Variants in SESN1 observed in about 807,000 individuals in gnomAD.
SESN1 encodes sestrin 1, also known as sestrin-1.
A neutral mutation model predicts 59.3 loss-of-function variants in SESN1; 30 were observed. The observed-to-expected ratio is 0.51, with a 90% CI of 0.38 to 0.69. The LOEUF (loss-of-function observed/expected upper bound fraction) is 0.69, where lower values mean the gene tolerates loss of function less well. SESN1 is among the 30% of genes least tolerant of loss of function. SESN1 has a pLI of 0.00. For missense variants in SESN1, 566 were observed against 673.0 expected (o/e 0.84, Z 1.76); for synonymous variants, 197 against 219.9 (o/e 0.90, Z 0.92).
In SESN1 at chr6:108,998,758, TAG is replaced by T; in HGVS notation, c.730-5_730-4del. 1 of 1,596,296 alleles carries T rather than the reference TAG, an allele frequency of 6.3e-7. No homozygotes were observed. Among genetic ancestry groups the T allele is most frequent in the East Asian group, 2.2e-5 (1 of 44,586 alleles). ...TGCTCTTCAGCTTTTAAAAGTCCCT[TAG>T]GGGGAAAAAAAAAAAGAATATATTT... is the stretch of plus-strand genomic sequence containing the variant. On this transcript the variant is annotated splice_polypyrimidine_tract_variant and splice_region_variant and intron_variant, in intron 4 of 9. Coordinates refer to ENST00000436639, the MANE Select transcript of SESN1 (RefSeq NM_014454.3).
rs1779153199 is a variant in SESN1, at chr6:108,985,243, T to C, written c.*2301A>G. Among the ~76,000 whole-genome samples the C allele has an allele frequency of 6.6e-6, 1 of 152,164 alleles. No homozygotes were observed. Among genetic ancestry groups the C allele is most frequent in the Non-Finnish European group, 1.5e-5 (1 of 68,020 alleles). ...AAATCAATCTCATTCTTAGAGATGA[T>C]AAAGTTTGGCCTAATAAAAAATTTT... On this transcript the variant is annotated 3_prime_UTR_variant, in exon 10 of 10. Transcript: ENST00000436639.
chr6:108,994,698 C>CTTTTTTTT (rs11395949), intron 5 of SESN1, 89 bp from the exon 6 acceptor site: 4 of 274,832 alleles, frequency 1.5e-5, no homozygotes, highest in African/African-American at 8.7e-5. Context: ...GAATTTATAT[C>CTTTTTTTT]TTTTTTTTTT....
At chr6:108,988,734 T>G (rs371526575) in intron 8 of SESN1, 47 bp from the exon 9 acceptor site, 605 of 1,462,582 alleles carry the variant, frequency 4.1e-4, no homozygotes, top group Non-Finnish European at 5.4e-4. Context: ...GTGTATAACC[T>G]GTTTTCATCT....
intron 1 of SESN1, among the ~76,000 whole-genome samples, chr6:109,016,071 A>T (rs2114359347): frequency 6.6e-6 from 1 of 152,340 alleles, no homozygotes; most frequent in Non-Finnish European, 1.5e-5. Flanking sequence ...CACAGACTTA[A>T]TGGAACTGAA....
At chr6:109,022,695 T>C (rs1248133321) in intron 1 of SESN1, among the ~76,000 whole-genome samples, 1 of 152,084 alleles carries the variant, frequency 6.6e-6, no homozygotes. Flanking sequence ...ATTACAGACA[T>C]GAAACACCAT....
intron 1 of SESN1, among the ~76,000 whole-genome samples, chr6:109,072,523 A>C (rs1027226558): frequency 6.6e-5 from 10 of 152,236 alleles, no homozygotes; most frequent in African/African-American, 2.4e-4. Context: ...CTCTAGACTA[A>C]GAAATGATTT....
chr6:108,999,736 G>T (rs1779574879), intron 4 of SESN1, among the ~76,000 whole-genome samples: 1 of 152,048 alleles, frequency 6.6e-6, no homozygotes, highest in South Asian at 2.1e-4. Flanking sequence ...GGTAAACGTA[G>T]GCTTACCGTA....
At chr6:109,087,268 C>T (rs1013009838) in intron 1 of SESN1, among the ~76,000 whole-genome samples, 7 of 151,818 alleles carry the variant, frequency 4.6e-5, no homozygotes, top group African/African-American at 1.7e-4. Context: ...AAAGAAGACA[C>T]TGAGTATAGA....
intron 1 of SESN1, among the ~76,000 whole-genome samples, chr6:109,047,865 A>G (rs1350253435): frequency 6.8e-6 from 1 of 147,098 alleles, no homozygotes; most frequent in African/African-American, 2.5e-5. Flanking sequence ...GTGGTGCAAG[A>G]TGTGCTTTGT....
At position 109,093,832 on chromosome 6, in the gene SESN1, A is replaced by G. The variant is rs1420148119; in HGVS notation, c.242T>C (p.Val81Ala). 1 of 1,614,042 alleles carries G rather than the reference A, an allele frequency of 6.2e-7. No individual in the cohort carries two copies. Among genetic ancestry groups the G allele is most frequent in the African/African-American group, 1.3e-5 (1 of 74,934 alleles). ...MLSKRCPFKDVREKSEFILKS... is the reference protein window; with the variant it reads ...MLSKRCPFKDAREKSEFILKS... ...CAGAATAAACTCACTTTTCTCTCTC[A>G]CATCTTTGAAGGGACACCTCTTAGA... The change falls in exon 1 of 10, where the codon GTG becomes GCG. Residue 81 changes from valine to alanine, a missense_variant. Coordinates refer to ENST00000436639, the MANE Select transcript of SESN1 (RefSeq NM_014454.3).
intron 1 of SESN1, among the ~76,000 whole-genome samples, chr6:109,092,942 T>A (rs1297981864): frequency 1.3e-5 from 2 of 152,172 alleles, no homozygotes; most frequent in East Asian, 1.9e-4. Flanking sequence ...AAGTACATTT[T>A]AAATTTTAAA....
chr6:109,049,335 C>G (rs1391462932), intron 1 of SESN1, among the ~76,000 whole-genome samples: 1 of 151,368 alleles, frequency 6.6e-6, no homozygotes, highest in Non-Finnish European at 1.5e-5. Context: ...AAAAGTTGAT[C>G]TCATGGAAGT....
chr6:109,050,608 A>T (rs977900486), intron 1 of SESN1, among the ~76,000 whole-genome samples: 2 of 152,142 alleles, frequency 1.3e-5, no homozygotes, highest in African/African-American at 4.8e-5. Context: ...CTTTCAAATA[A>T]CCTATCTATA....
intron 1 of SESN1, among the ~76,000 whole-genome samples, chr6:109,076,129 G>C (rs981010603): frequency 2.6e-5 from 4 of 152,342 alleles, no homozygotes; most frequent in East Asian, 1.9e-4. Flanking sequence ...GAATCTAAGT[G>C]CATGTGTGGT....
chr6:108,989,391 CTCTA>C (rs901913474), intron 8 of SESN1, among the ~76,000 whole-genome samples: 2 of 150,912 alleles, frequency 1.3e-5, no homozygotes, highest in Admixed American at 1.3e-4. Flanking sequence ...CTTTCTCTCT[CTCTA>C]TATATAGATA....
chr6:109,093,873 A>T lies in SESN1; in HGVS notation c.201T>A (p.Ala67=). Residue 67 remains alanine, a synonymous_variant, in exon 1 of 10, where the codon GCT becomes GCA. Coordinates refer to ENST00000436639, the MANE Select transcript of SESN1 (RefSeq NM_014454.3). The part of the protein sequence containing the change: ...ESSDGLNKLL[A]HLLMLSKRCP... ...ACCTCTTAGAAAGCATAAGCAGATG[A>T]GCAAGTAGCTTATTCAACCCATCCG... 2.5e-6 allele frequency: 4 copies of T among 1,614,200 alleles called. No individual in the cohort carries two copies. Among genetic ancestry groups the T allele is most frequent in the Non-Finnish European group, 3.4e-6 (4 of 1,180,012 alleles).
intron 1 of SESN1, among the ~76,000 whole-genome samples, chr6:109,065,857 TAG>T: frequency 6.6e-6 from 1 of 152,070 alleles, no homozygotes; most frequent in East Asian, 1.9e-4. Flanking sequence ...TCTATTATAA[TAG>T]AAGATACTAT....
chr6:109,067,327 C>T (rs757875732), intron 1 of SESN1, among the ~76,000 whole-genome samples: 59 of 152,218 alleles, frequency 3.9e-4, no homozygotes, highest in Non-Finnish European at 6.9e-4. Flanking sequence ...TGCACAGTGC[C>T]CACCCTGCTG....
intron 1 of SESN1, among the ~76,000 whole-genome samples, chr6:109,055,431 G>C (rs568723673): frequency 2.1e-4 from 32 of 152,202 alleles, no homozygotes; most frequent in African/African-American, 6.3e-4. Context: ...GAGGGGCTGA[G>C]GTGGGTGGAT....
Sources: gnomAD v4.1 joint callset for allele counts (sites outside exome capture counted in the v4.1 genomes callset) on GRCh38, gnomAD v4.1.1 for gene constraint, MANE v1.5 for transcripts, NCBI Gene and HGNC (gene_info 2026-07-23, HGNC 2026-07-21) for gene names.